The following PRKD1 variants were observed in gnomAD, a reference collection of about 807,000 sequenced individuals.
The protein encoded by PRKD1 is serine/threonine-protein kinase D1.
PRKD1 carries 63 observed loss-of-function variants against 95.9 expected under a neutral mutation model. The ratio of observed to expected loss-of-function variants is 0.66; its 90% CI spans 0.54 to 0.81. The LOEUF (loss-of-function observed/expected upper bound fraction) is 0.81, where lower values mean the gene tolerates loss of function less well. Among genes scored for constraint, PRKD1 ranks in the 30% least tolerant of loss-of-function variants. PRKD1 has a pLI of 0.00. For missense variants in PRKD1, 1,048 were observed against 1,165.3 expected, an observed-to-expected ratio of 0.90 and a Z score of 1.47; for synonymous variants, 425 against 423.1, an observed-to-expected ratio of 1.00 and a Z score of -0.05.
At chr14:29,759,109 T>C (rs1009340417) in intron 1 of PRKD1, among the ~76,000 whole-genome samples, 3 of 152,214 alleles carry the variant, frequency 2.0e-5, no homozygotes, top group Non-Finnish European at 2.9e-5. Flanking sequence ...AAGGAGACTG[T>C]TGTAACTTTG....
intron 4 of PRKD1, among the ~76,000 whole-genome samples, chr14:29,645,865 CT>C (rs1161211025): frequency 6.6e-6 from 1 of 152,090 alleles, no homozygotes; most frequent in Non-Finnish European, 1.5e-5. Context: ...ACCCCCACTC[CT>C]TACTCTATTA....
At chr14:29,886,389 T>A (rs1594603550) in intron 1 of PRKD1, among the ~76,000 whole-genome samples, 1 of 152,286 alleles carries the variant, frequency 6.6e-6, no homozygotes, top group African/African-American at 2.4e-5. Flanking sequence ...CAAACGTAGA[T>A]ACATCCAGAT....
intron 1 of PRKD1, among the ~76,000 whole-genome samples, chr14:29,831,434 T>C (rs1216405237): frequency 1.3e-5 from 2 of 151,500 alleles, no homozygotes; most frequent in African/African-American, 2.4e-5. Context: ...AGTCCAGTAG[T>C]TATTAGAATG....
At chr14:29,613,618 T>C (rs1354722021) in intron 13 of PRKD1, among the ~76,000 whole-genome samples, 2 of 152,234 alleles carry the variant, frequency 1.3e-5, no homozygotes, top group Non-Finnish European at 2.9e-5. Flanking sequence ...AAATTTTTCT[T>C]GCCTTTAAAC....
intron 13 of PRKD1, among the ~76,000 whole-genome samples, chr14:29,608,069 C>A (rs1878146368): frequency 6.6e-6 from 1 of 152,116 alleles, no homozygotes; most frequent in South Asian, 2.1e-4. Flanking sequence ...CAAATATACT[C>A]AAAAGTAAAG....
At chr14:29,624,502 T>C (rs1432036572) in intron 12 of PRKD1, among the ~76,000 whole-genome samples, 1 of 152,150 alleles carries the variant, frequency 6.6e-6, no homozygotes, top group East Asian at 1.9e-4. Context: ...GCTATACGTA[T>C]CAACACCCTG....
At chr14:29,672,290 G>A (rs867762510) in intron 2 of PRKD1, among the ~76,000 whole-genome samples, 1 of 151,644 alleles carries the variant, frequency 6.6e-6, no homozygotes, top group Non-Finnish European at 1.5e-5. Flanking sequence ...GCAGTGAGCC[G>A]AGATCGTGCC....
intron 1 of PRKD1, among the ~76,000 whole-genome samples, chr14:29,917,108 C>T (rs1001133213): frequency 6.6e-6 from 1 of 152,012 alleles, no homozygotes; most frequent in African/African-American, 2.4e-5. Flanking sequence ...CTTTAATAAA[C>T]ATTTGACTAT....
At chr14:29,666,740 G>C (rs1421950791) in intron 2 of PRKD1, among the ~76,000 whole-genome samples, 1 of 152,088 alleles carries the variant, frequency 6.6e-6, no homozygotes, top group South Asian at 2.1e-4. Context: ...CTGAACTCTT[G>C]GGCAATGTAT....
At chr14:29,629,775 T>C (rs1879861765) in intron 10 of PRKD1, among the ~76,000 whole-genome samples, 1 of 152,142 alleles carries the variant, frequency 6.6e-6, no homozygotes, top group South Asian at 2.1e-4. Context: ...AGAGAATTCT[T>C]CCTGGGATAA....
At chr14:29,921,002 T>G (rs369755819) in intron 1 of PRKD1, among the ~76,000 whole-genome samples, 14 of 152,330 alleles carry the variant, frequency 9.2e-5, no homozygotes, top group African/African-American at 3.4e-4. Flanking sequence ...CAAATAAGCT[T>G]TAAATTTTGG....
intron 2 of PRKD1, among the ~76,000 whole-genome samples, chr14:29,697,114 C>T (rs1301892793): frequency 6.6e-6 from 1 of 151,550 alleles, no homozygotes; most frequent in Non-Finnish European, 1.5e-5. Flanking sequence ...ATCTACAGGT[C>T]CTATCTGGCC....
At chr14:29,832,124 T>G (rs906788272) in intron 1 of PRKD1, among the ~76,000 whole-genome samples, 5 of 152,162 alleles carry the variant, frequency 3.3e-5, no homozygotes, top group African/African-American at 1.2e-4. Context: ...ATTTCCAACT[T>G]TGCTGGATAC....
Position 29,577,081 on chromosome 14 carries a change from T to C in PRKD1, c.*157A>G. 1.3e-6 allele frequency: 1 copy of C among 762,702 alleles called. No homozygotes were observed. Among genetic ancestry groups the C allele is most frequent in the Non-Finnish European group, 2.1e-6 (1 of 479,996 alleles). 47.2% of individuals were successfully genotyped at this position (762,702 alleles called of 1,614,324 possible). ...ACAAAATACAAATGCTTCTGTTGAT[T>C]TGTCTTGGCAACTCAGATACATCAA... On this transcript the variant is annotated 3_prime_UTR_variant, in exon 18 of 18. Transcript: ENST00000331968.
intron 1 of PRKD1, among the ~76,000 whole-genome samples, chr14:29,734,294 C>T (rs1015802996): frequency 2.0e-5 from 3 of 152,052 alleles, no homozygotes; most frequent in Admixed American, 2.0e-4. Flanking sequence ...CCCGCCTTGG[C>T]CTCCCAAAGT....
chr14:29,898,792 T>G lies in PRKD1; in HGVS notation c.264+28457A>C, dbSNP rs954779982. Among the ~76,000 whole-genome samples, 14 of 152,146 alleles carry G rather than the reference T, an allele frequency of 9.2e-5. 1 individual carries two copies. The highest frequency in any genetic ancestry group is 2.9e-4 in the African/African-American group (12 of 41,412). On this transcript the variant is annotated intron_variant, in intron 1 of 17. Transcript: ENST00000331968. Reference sequence around the variant, plus strand: ...CCACAGATACAAACTGCCTGAGCCTTCCTTTGATTTTTAAGTACACATTTT... The same window carrying G: ...CCACAGATACAAACTGCCTGAGCCTGCCTTTGATTTTTAAGTACACATTTT...
intron 13 of PRKD1, among the ~76,000 whole-genome samples, chr14:29,602,275 C>T (rs958346101): frequency 2.6e-5 from 4 of 151,890 alleles, no homozygotes; most frequent in Non-Finnish European, 5.9e-5. Flanking sequence ...GCAGGGGTCA[C>T]GGGAGTAGTA....
intron 2 of PRKD1, among the ~76,000 whole-genome samples, chr14:29,719,727 T>C (rs1204699827): frequency 2.0e-5 from 3 of 152,194 alleles, no homozygotes; most frequent in Non-Finnish European, 2.9e-5. Flanking sequence ...CCTGTGATAT[T>C]ATGTAAGCAA....
Position 29,919,986 on chromosome 14 carries a change from A to AGAGAGAGAGAG in PRKD1, c.264+7262_264+7263insCTCTCTCTCTC, listed in dbSNP as rs1566672106. Among the ~76,000 whole-genome samples the AGAGAGAGAGAG allele has an allele frequency of 5.4e-4, 77 of 142,932 alleles. 1 individual carries two copies. The highest frequency in any genetic ancestry group is 1.9e-3 in the African/African-American group (73 of 38,162). 93.8% of individuals were successfully genotyped at this position (142,932 alleles called of 152,430 possible). A position where few individuals can be genotyped will look rare whatever the true frequency, so the allele number is the denominator to read the frequency against. On this transcript the variant is annotated intron_variant, in intron 1 of 17. Coordinates refer to ENST00000331968, the MANE Select transcript of PRKD1 (RefSeq NM_002742.3). ...TGAGAAAGAGAGAGAGAGAGAGAGA[A>AGAGAGAGAGAG]AGAGAGGAAGGAAGGTAGGAAGGAA... is the stretch of plus-strand genomic sequence containing the variant.
Sources: gnomAD v4.1 joint callset for allele counts (sites outside exome capture counted in the v4.1 genomes callset) on GRCh38, gnomAD v4.1.1 for gene constraint, MANE v1.5 for transcripts, NCBI Gene and HGNC (gene_info 2026-07-23, HGNC 2026-07-21) for gene names.